The following ZFPM1 variants were observed in gnomAD, a reference collection of about 807,000 sequenced individuals.
ZFPM1 encodes zinc finger protein, FOG family member 1.
A neutral mutation model predicts 46.3 loss-of-function variants in ZFPM1; 28 were observed. The ratio of observed to expected loss-of-function variants is 0.60; its 90% CI spans 0.45 to 0.83. The LOEUF (loss-of-function observed/expected upper bound fraction) is 0.83. ZFPM1 is among the 40% of genes least tolerant of loss of function. The pLI is 0.00. For synonymous variants in ZFPM1, 957 were observed against 675.9 expected, an observed-to-expected ratio of 1.42 and a Z score of -6.45; for missense variants, 1,878 against 1,432.4, an observed-to-expected ratio of 1.31 and a Z score of -5.02.
intron 1 of ZFPM1, among the ~76,000 whole-genome samples, chr16:88,484,122 T>G (rs36074513): frequency 0.11 from 16,454 of 152,122 alleles, 1,665 homozygotes; most frequent in African/African-American, 0.27. Context: ...AAAGCAGGGA[T>G]CATGAGGGGC....
rs192498517 is a variant in ZFPM1, at chr16:88,466,740, G to C, written c.40+13062G>C. 1.7e-3 allele frequency among the ~76,000 whole-genome samples: 258 copies of C among 152,296 alleles called. 1 individual carries two copies. The highest frequency in any genetic ancestry group is 3.5e-3 in the Admixed American group (53 of 15,302). ...GTTTCAATATTCTAAAAGGAAGTCA[G>C]CTATTTCCAGTGCAGTGGGGTGTGT... On this transcript the variant is annotated intron_variant, in intron 1 of 9. Transcript: ENST00000319555.
chr16:88,476,435 C>T (rs888093311), intron 1 of ZFPM1, among the ~76,000 whole-genome samples: 3 of 151,982 alleles, frequency 2.0e-5, no homozygotes, highest in Non-Finnish European at 4.4e-5. Context: ...GAGAGGGCCG[C>T]CAAGTGGCAG....
At chr16:88,492,861 C>A (rs1909656439) in intron 3 of ZFPM1, among the ~76,000 whole-genome samples, 1 of 152,194 alleles carries the variant, frequency 6.6e-6, no homozygotes, top group Non-Finnish European at 1.5e-5. Context: ...CCCAAGAGGC[C>A]CCCAACACCC....
At chr16:88,514,593 A>T in intron 4 of ZFPM1, 73 bp downstream of exon 4, 2 of 1,402,494 alleles carry the variant, frequency 1.4e-6, no homozygotes, top group Admixed American at 2.8e-5. Context: ...GGACAGGCCC[A>T]GCTTAGATGC....
intron 1 of ZFPM1, 27 bp from the exon 2 acceptor site, chr16:88,485,912 C>G (rs376473581): frequency 6.2e-7 from 1 of 1,609,044 alleles, no homozygotes; most frequent in Non-Finnish European, 8.5e-7. Flanking sequence ...GAGCTCCTCC[C>G]GAACCCCCAT....
chr16:88,488,380 G>A (rs548438112), intron 2 of ZFPM1, among the ~76,000 whole-genome samples: 8 of 152,372 alleles, frequency 5.3e-5, no homozygotes, highest in Admixed American at 6.5e-5. Context: ...CGATGGGCGC[G>A]ATAACACAGC....
At chr16:88,466,347 G>A (rs1358335281) in intron 1 of ZFPM1, among the ~76,000 whole-genome samples, 1 of 152,216 alleles carries the variant, frequency 6.6e-6, no homozygotes, top group African/African-American at 2.4e-5. Flanking sequence ...AGAACTGAAG[G>A]CTCAGCGAGG....
intron 1 of ZFPM1, among the ~76,000 whole-genome samples, chr16:88,461,962 T>C (rs1266343222): frequency 6.6e-6 from 1 of 152,234 alleles, no homozygotes; most frequent in East Asian, 1.9e-4. Flanking sequence ...CAGGTTTCTC[T>C]GGGCACTGCC....
chr16:88,494,441 CGCCCG>C (rs1310359140), intron 3 of ZFPM1, among the ~76,000 whole-genome samples: 1 of 152,132 alleles, frequency 6.6e-6, no homozygotes, highest in Non-Finnish European at 1.5e-5. Flanking sequence ...CAAAGCAGGA[CGCCCG>C]GCCGGGGTGA....
intron 1 of ZFPM1, among the ~76,000 whole-genome samples, chr16:88,465,034 T>A (rs1433823635): frequency 8.2e-6 from 1 of 122,018 alleles, no homozygotes; most frequent in East Asian, 2.2e-4. Flanking sequence ...AAAAAGAAGG[T>A]AGGGAGGAGG....
Position 88,534,414 on chromosome 16 carries a change from G to T in ZFPM1, c.2456G>T (p.Cys819Phe). ...PAPALADYHE[C>F]TACRVSFHSL... is the part of the protein sequence containing the mutation. ...CCGGCGCTGGCCGACTACCACGAGT[G>T]CACGGCCTGCCGCGTGAGCTTCCAC... The change falls in exon 10 of 10, where the codon TGC (cysteine) becomes TTC (phenylalanine). Residue 819 changes from cysteine (C) to phenylalanine (F), a missense_variant. Coordinates refer to ENST00000319555, the MANE Select transcript of ZFPM1 (RefSeq NM_153813.3). The T allele has an allele frequency of 6.7e-7, 1 of 1,488,466 alleles. No individual in the cohort carries two copies. Among genetic ancestry groups the T allele is most frequent in the East Asian group, 2.9e-5 (1 of 34,470 alleles). The allele number at this position is 1,488,466 out of a possible 1,614,324, so 92.2% of individuals were successfully genotyped here. A position where few individuals can be genotyped will look rare whatever the true frequency, so the allele number is the denominator to read the frequency against.
chr16:88,506,165 C>T (rs1161563449), intron 3 of ZFPM1, among the ~76,000 whole-genome samples: 1 of 152,002 alleles, frequency 6.6e-6, no homozygotes, highest in Non-Finnish European at 1.5e-5. Flanking sequence ...CCAACAGGGG[C>T]CATGCCAGGC....
upstream of ZFPM1, among the ~76,000 whole-genome samples, chr16:88,452,936 G>C (rs1485814050): frequency 6.6e-6 from 1 of 152,206 alleles, no homozygotes; most frequent in Non-Finnish European, 1.5e-5. Flanking sequence ...GGGGAGGCTA[G>C]AGGTCTCCCC....
chr16:88,508,789 A>T (rs926063273), intron 3 of ZFPM1, among the ~76,000 whole-genome samples: 2 of 152,170 alleles, frequency 1.3e-5, no homozygotes, highest in African/African-American at 4.8e-5. Context: ...CTCAGCTGCC[A>T]CCCAGATTAC....
In ZFPM1 at chr16:88,534,076, C is replaced by T; in HGVS notation, c.2118C>T (p.Cys706=). ...ACACCGTGCACAAGCGGTACTACTG[C>T]GCCTCGCGCCACGACCCGCCGCCGC... ...ETYTVHKRYY[C]ASRHDPPPRR... is the part of the protein sequence containing the mutation. Residue 706 remains cysteine (C), a synonymous_variant, in exon 10 of 10, where the codon TGC becomes TGT. Coordinates refer to ENST00000319555, the MANE Select transcript of ZFPM1 (RefSeq NM_153813.3). 8.0e-7 allele frequency: 1 copy of T among 1,242,686 alleles called. No homozygotes were observed. The highest frequency in any genetic ancestry group is 1.0e-6 in the Non-Finnish European group (1 of 969,842). 77.0% of individuals were successfully genotyped at this position (1,242,686 alleles called of 1,614,324 possible).
At chr16:88,484,948 G>A (rs1032035028) in intron 1 of ZFPM1, among the ~76,000 whole-genome samples, 3 of 152,194 alleles carry the variant, frequency 2.0e-5, no homozygotes, top group South Asian at 4.1e-4. Context: ...GAGTCTCTGA[G>A]GGACCCAGGC....
At position 88,534,051 on chromosome 16, in the gene ZFPM1, A is replaced by G; in HGVS notation, c.2093A>G (p.Tyr698Cys). 1 of 1,311,550 alleles carries G rather than the reference A, an allele frequency of 7.6e-7. No individual in the cohort carries two copies. Among genetic ancestry groups the G allele is most frequent in the Non-Finnish European group, 9.9e-7 (1 of 1,011,688 alleles). The allele number at this position is 1,311,550 out of a possible 1,614,324, so 81.2% of individuals were successfully genotyped here. A position where few individuals can be genotyped will look rare whatever the true frequency, so the allele number is the denominator to read the frequency against. ...CNIRFSRHET[Y>C]TVHKRYYCAS... ...ATCCGCTTCAGCCGCCACGAGACCT[A>G]CACCGTGCACAAGCGGTACTACTGC... Residue 698 changes from tyrosine to cysteine, a missense_variant, in exon 10 of 10, where the codon TAC becomes TGC. Coordinates refer to ENST00000319555, the MANE Select transcript of ZFPM1 (RefSeq NM_153813.3).
chr16:88,517,178 GTAGATGGATGGATGGA>G (rs1911356417), intron 4 of ZFPM1, among the ~76,000 whole-genome samples: 1 of 126,318 alleles, frequency 7.9e-6, no homozygotes, highest in African/African-American at 2.8e-5. Flanking sequence ...GGATGGATGG[GTAGATGGATGGATGGA>G]TGGATGGATG....
chr16:88,464,060 G>C (rs1908017140), intron 1 of ZFPM1, among the ~76,000 whole-genome samples: 2 of 152,228 alleles, frequency 1.3e-5, no homozygotes, highest in South Asian at 4.1e-4. Context: ...ATACCCCGTG[G>C]TCCATCGGTC....
Sources: gnomAD v4.1 joint callset for allele counts (sites outside exome capture counted in the v4.1 genomes callset) on GRCh38, gnomAD v4.1.1 for gene constraint, MANE v1.5 for transcripts, NCBI Gene and HGNC (gene_info 2026-07-23, HGNC 2026-07-21) for gene names.